Variants in LYPD6 observed in about 807,000 individuals in gnomAD.
LYPD6 encodes LY6/PLAUR domain containing 6, also known as ly6/PLAUR domain-containing protein 6.
LYPD6 carries 15 observed loss-of-function variants against 22.7 expected under a neutral mutation model. The observed-to-expected ratio is 0.66, with a 90% CI of 0.44 to 1.02. The LOEUF is 1.02. LYPD6 is among the 50% of genes least tolerant of loss of function. The pLI, the probability that LYPD6 is intolerant of heterozygous loss-of-function variation, is 0.00. For missense variants in LYPD6, 189 were observed against 208.4 expected (o/e 0.91, Z 0.57); for synonymous variants, 72 against 77.5 (o/e 0.93, Z 0.37).
At chr2:149,333,555 T>A (rs1225100155) in intron 1 of LYPD6, among the ~76,000 whole-genome samples, 1 of 152,230 alleles carries the variant, frequency 6.6e-6, no homozygotes, top group African/African-American at 2.4e-5. Context: ...GTGTAAAGCA[T>A]GAATAATGCA....
At chr2:149,371,769 T>G (rs545766763) in intron 1 of LYPD6, among the ~76,000 whole-genome samples, 1 of 152,202 alleles carries the variant, frequency 6.6e-6, no homozygotes, top group Admixed American at 6.5e-5. Flanking sequence ...GGGCAGACTT[T>G]CCAGTAAGAA....
chr2:149,449,043 T>C lies in LYPD6; in HGVS notation c.119-6T>C, dbSNP rs778400340. On this transcript the variant is annotated splice_region_variant and splice_polypyrimidine_tract_variant and intron_variant, in intron 2 of 4. Coordinates refer to ENST00000334166, the MANE Select transcript of LYPD6 (RefSeq NM_194317.5). ...ATTAATCTTTTCTCTTAATCCTTTTTTTTAGCCACACCATATCCTGGTGGA... is the reference window on the plus strand; with the variant it reads ...ATTAATCTTTTCTCTTAATCCTTTTCTTTAGCCACACCATATCCTGGTGGA... 1 of 1,606,154 alleles carries C rather than the reference T, an allele frequency of 6.2e-7. No homozygotes were observed. Among genetic ancestry groups the C allele is most frequent in the South Asian group, 1.1e-5 (1 of 90,178 alleles).
intron 2 of LYPD6, chr2:149,440,193 C>A: frequency 6.5e-6 from 1 of 154,918 alleles, no homozygotes; most frequent in South Asian, 2.0e-4. Context: ...CAGAATCATG[C>A]TGTACTTAGG....
chr2:149,383,616 A>G (rs1254167732), intron 1 of LYPD6, among the ~76,000 whole-genome samples: 2 of 152,182 alleles, frequency 1.3e-5, no homozygotes, highest in Admixed American at 6.5e-5. Context: ...CTGAGTCATT[A>G]TGGGTCAAAG....
chr2:149,479,391 C>T, the LYPD6 span, among the ~76,000 whole-genome samples: 1 of 152,132 alleles, frequency 6.6e-6, no homozygotes, highest in African/African-American at 2.4e-5. Context: ...ATAATCTCTC[C>T]CCCTCAGACT....
chr2:149,351,953 G>A (rs545903180), intron 1 of LYPD6, among the ~76,000 whole-genome samples: 2 of 152,114 alleles, frequency 1.3e-5, no homozygotes, highest in South Asian at 4.2e-4. Context: ...CTGCTGCTGT[G>A]GTGAGCTGCC....
chr2:149,392,219 C>T (rs1427574761), intron 1 of LYPD6, among the ~76,000 whole-genome samples: 2 of 152,142 alleles, frequency 1.3e-5, no homozygotes, highest in Non-Finnish European at 2.9e-5. Flanking sequence ...TAATCACCTC[C>T]CAAAGGCACA....
At chr2:149,356,378 A>C (rs1681449432) in intron 1 of LYPD6, among the ~76,000 whole-genome samples, 1 of 152,208 alleles carries the variant, frequency 6.6e-6, no homozygotes, top group African/African-American at 2.4e-5. Flanking sequence ...TCTATGTATT[A>C]GTAAAAGAAA....
At chr2:149,377,287 A>G (rs1159772648) in intron 1 of LYPD6, among the ~76,000 whole-genome samples, 8 of 150,252 alleles carry the variant, frequency 5.3e-5, no homozygotes, top group Non-Finnish European at 8.9e-5. Context: ...CTATGCAGGA[A>G]TCTGCCTGCT....
intron 1 of LYPD6, among the ~76,000 whole-genome samples, chr2:149,402,426 TG>T (rs1247665027): frequency 3.3e-5 from 5 of 152,224 alleles, no homozygotes; most frequent in Admixed American, 6.5e-5. Context: ...CTGGATCAAA[TG>T]GTAGATCTAT....
chr2:149,350,237 C>T (rs978061216), intron 1 of LYPD6, among the ~76,000 whole-genome samples: 1 of 152,198 alleles, frequency 6.6e-6, no homozygotes, highest in African/African-American at 2.4e-5. Flanking sequence ...ATGTAAGAAT[C>T]AGGTATTGTT....
At position 149,433,192 on chromosome 2, in the gene LYPD6, A is replaced by G. The variant is rs983823200; in HGVS notation, c.-71-4446A>G. 3.9e-5 allele frequency among the ~76,000 whole-genome samples: 6 copies of G among 152,350 alleles called. No individual in the cohort carries two copies. The East Asian group carries it at 5.8e-4, about 15-fold the overall frequency. ...AATTTGGAAATTCAGCATTAAACAC[A>G]TGAAATTCATGGTTAAAAAATTATT... On this transcript the variant is annotated intron_variant, in intron 1 of 4. Transcript: ENST00000334166.
chr2:149,429,949 C>G (rs920258865), intron 1 of LYPD6, among the ~76,000 whole-genome samples: 2 of 152,152 alleles, frequency 1.3e-5, no homozygotes, highest in Non-Finnish European at 2.9e-5. Flanking sequence ...GTGTAAGTTG[C>G]ATCATGCTCT....
intron 1 of LYPD6, among the ~76,000 whole-genome samples, chr2:149,389,891 T>C (rs1682272627): frequency 6.6e-6 from 1 of 152,188 alleles, no homozygotes; most frequent in South Asian, 2.1e-4. Context: ...TGAACTGTCA[T>C]TTGTATGGTT....
chr2:149,394,968 G>C (rs890344216), intron 1 of LYPD6, among the ~76,000 whole-genome samples: 2 of 152,126 alleles, frequency 1.3e-5, no homozygotes, highest in African/African-American at 4.8e-5. Flanking sequence ...CAAAAAATGA[G>C]ATTATTGAAA....
intron 1 of LYPD6, among the ~76,000 whole-genome samples, chr2:149,422,835 T>C (rs1288644306): frequency 6.6e-6 from 1 of 152,170 alleles, no homozygotes; most frequent in East Asian, 1.9e-4. Flanking sequence ...GTCCTACATA[T>C]AGTGAGATCA....
intron 1 of LYPD6, among the ~76,000 whole-genome samples, chr2:149,368,773 A>C (rs1195912109): frequency 6.6e-6 from 1 of 152,018 alleles, no homozygotes; most frequent in Non-Finnish European, 1.5e-5. Flanking sequence ...GAGGAAGAGG[A>C]GATAATGAAT....
intron 1 of LYPD6, among the ~76,000 whole-genome samples, chr2:149,410,309 CT>C (rs1158714926): frequency 6.6e-6 from 1 of 151,778 alleles, no homozygotes; most frequent in Admixed American, 6.6e-5. Context: ...GTAAAACATG[CT>C]GGTGGTTTGT....
chr2:149,434,742 G>A (rs1051367209), intron 1 of LYPD6, among the ~76,000 whole-genome samples: 2 of 152,174 alleles, frequency 1.3e-5, no homozygotes, highest in African/African-American at 2.4e-5. Flanking sequence ...CAGGGTCTGA[G>A]GCAGGGAAAG....
Sources: allele counts gnomAD v4.1 joint callset (sites outside exome capture counted in the v4.1 genomes callset), GRCh38; gene constraint gnomAD v4.1.1; transcripts MANE v1.5; gene names NCBI Gene and HGNC (gene_info 2026-07-23, HGNC 2026-07-21).